LDLRAD4: variants seen among roughly 807,000 people sequenced by gnomAD.
LDLRAD4 encodes the protein low-density lipoprotein receptor class A domain-containing protein 4.
LDLRAD4 carries 5 observed loss-of-function variants against 17.0 expected under a neutral mutation model. The observed-to-expected ratio is 0.29, with a 90% CI of 0.15 to 0.62. LDLRAD4 has a LOEUF of 0.62. Ranked by LOEUF, LDLRAD4 falls within the 20% of genes least tolerant of loss-of-function variation. LDLRAD4 has a pLI of 0.84. For missense variants in LDLRAD4, 340 were observed against 424.7 expected (o/e 0.80, Z 1.75); for synonymous variants, 168 against 171.8 (o/e 0.98, Z 0.17).
rs190219569 is a variant in LDLRAD4 at position 13,434,001 on chromosome 18, C to G, written c.41-4243C>G. On this transcript the variant is annotated intron_variant, in intron 2 of 5. Transcript: ENST00000359446. ...ATTTGTTCTCCAGCTTCGGGTAAGT[C>G]AGGCATTATCCCTGGCCTGCTTCCT... Among the ~76,000 whole-genome samples, 335 of 152,274 alleles carry G rather than the reference C, an allele frequency of 2.2e-3. 1 individual carries two copies. The highest frequency in any genetic ancestry group is 3.8e-3 in the Non-Finnish European group (257 of 68,038).
intron 1 of LDLRAD4, among the ~76,000 whole-genome samples, chr18:13,337,483 G>A (rs890446598): frequency 2.6e-5 from 4 of 152,056 alleles, no homozygotes; most frequent in Non-Finnish European, 4.4e-5. Context: ...GTTTGATATC[G>A]AGAGGAAAGG....
rs1325096528 is a variant in LDLRAD4 at position 13,549,068 on chromosome 18, C to A, written c.182-72049C>A. Among the ~76,000 whole-genome samples, 5 of 152,262 alleles carry A rather than the reference C, an allele frequency of 3.3e-5. No individual in the cohort carries two copies. The East Asian group carries it at 7.7e-4, about 23-fold the overall frequency. On this transcript the variant is annotated intron_variant, in intron 3 of 5. Transcript: ENST00000359446. ...ACAGGGAGTTGCATTTCGCTTTTGT[C>A]ACAAATGGATGCTGGTGTGTGCCTC...
At chr18:13,474,408 G>T (rs750502994) in intron 3 of LDLRAD4, among the ~76,000 whole-genome samples, 1 of 152,202 alleles carries the variant, frequency 6.6e-6, no homozygotes, top group Non-Finnish European at 1.5e-5. Flanking sequence ...TCAGGAGTTA[G>T]ACACGTGTCA....
At chr18:13,238,046 A>T (rs527962470) in intron 1 of LDLRAD4, among the ~76,000 whole-genome samples, 1 of 152,258 alleles carries the variant, frequency 6.6e-6, no homozygotes, top group South Asian at 2.1e-4. Flanking sequence ...CAGTGGAGTG[A>T]GGCTGTTCCT....
At chr18:13,395,064 A>G (rs1191972181) in intron 2 of LDLRAD4, among the ~76,000 whole-genome samples, 1 of 152,156 alleles carries the variant, frequency 6.6e-6, no homozygotes, top group African/African-American at 2.4e-5. Flanking sequence ...CAGGAGGAGC[A>G]GCCTGCCCCG....
chr18:13,269,521 T>A (rs114485273), intron 1 of LDLRAD4, among the ~76,000 whole-genome samples: 2,606 of 152,308 alleles, frequency 0.017, 84 homozygotes, highest in African/African-American at 0.06. Flanking sequence ...TGGGAATATT[T>A]GGAGCATCTG....
intron 1 of LDLRAD4, among the ~76,000 whole-genome samples, chr18:13,323,743 G>C (rs1158262100): frequency 6.6e-6 from 1 of 152,150 alleles, no homozygotes; most frequent in Non-Finnish European, 1.5e-5. Context: ...GAAATGTTTG[G>C]TTAATCTATT....
chr18:13,306,431 G>A (rs1290786517), intron 1 of LDLRAD4, among the ~76,000 whole-genome samples: 2 of 152,232 alleles, frequency 1.3e-5, no homozygotes, highest in African/African-American at 4.8e-5. Context: ...ATACTGGACA[G>A]TGCCCCTGGC....
chr18:13,443,550 A>G (rs2091173275), intron 3 of LDLRAD4, among the ~76,000 whole-genome samples: 1 of 152,192 alleles, frequency 6.6e-6, no homozygotes, highest in Non-Finnish European at 1.5e-5. Context: ...TGTTATAAAC[A>G]TGTGTTTCGG....
intron 2 of LDLRAD4, among the ~76,000 whole-genome samples, chr18:13,427,815 A>G (rs758752685): frequency 5.9e-5 from 9 of 152,198 alleles, no homozygotes; most frequent in Non-Finnish European, 7.3e-5. Flanking sequence ...TGCTAATAAT[A>G]TATTATTTCC....
intron 3 of LDLRAD4, among the ~76,000 whole-genome samples, chr18:13,591,368 G>A (rs1374068047): frequency 2.6e-5 from 4 of 151,974 alleles, no homozygotes; most frequent in Non-Finnish European, 5.9e-5. Flanking sequence ...CTTTCTTCCT[G>A]AAGTCAGCTG....
At chr18:13,401,400 C>T (rs1165125967) in intron 2 of LDLRAD4, among the ~76,000 whole-genome samples, 1 of 150,394 alleles carries the variant, frequency 6.6e-6, no homozygotes, top group East Asian at 1.9e-4. Context: ...TCCCTTTCTC[C>T]AACACTGAGT....
rs147645753 is a variant in LDLRAD4 at position 13,411,317 on chromosome 18, T to C, written c.40+23555T>C. On this transcript the variant is annotated intron_variant, in intron 2 of 5. Coordinates refer to ENST00000359446, the Ensembl canonical transcript of LDLRAD4. ...GTCCTAAGAGCAAAATCATCTTTTGTTAGTATGCTTATCTCATAGTTTTGC... is the reference window on the plus strand; with the variant it reads ...GTCCTAAGAGCAAAATCATCTTTTGCTAGTATGCTTATCTCATAGTTTTGC... Among the ~76,000 whole-genome samples the C allele has an allele frequency of 6.4e-4, 95 of 147,538 alleles. 1 individual carries two copies. Among genetic ancestry groups the C allele is most frequent in the African/African-American group, 2.4e-3 (95 of 39,818 alleles).
At chr18:13,325,181 A>G (rs1447199715) in intron 1 of LDLRAD4, among the ~76,000 whole-genome samples, 1 of 152,188 alleles carries the variant, frequency 6.6e-6, no homozygotes, top group East Asian at 1.9e-4. Context: ...ATAGGAATAA[A>G]AGGAAAGTCA....
chr18:13,366,927 G>C lies in LDLRAD4; in HGVS notation c.-382-20414G>C, dbSNP rs577849954. Among the ~76,000 whole-genome samples, 3 of 152,278 alleles carry C rather than the reference G, an allele frequency of 2.0e-5. No individual in the cohort carries two copies. The East Asian group carries it at 5.8e-4, about 29-fold the overall frequency. On this transcript the variant is annotated intron_variant, in intron 1 of 5. Coordinates refer to ENST00000359446, the Ensembl canonical transcript of LDLRAD4. Reference sequence around the variant, plus strand: ...TGTCTTCCCATATTTCTTGCTCGCTGGTCCTCATTCTGATCCTTGTGGTCA... The same window carrying C: ...TGTCTTCCCATATTTCTTGCTCGCTCGTCCTCATTCTGATCCTTGTGGTCA...
intron 1 of LDLRAD4, among the ~76,000 whole-genome samples, chr18:13,292,792 G>T (rs1357960229): frequency 6.6e-6 from 1 of 152,222 alleles, no homozygotes; most frequent in East Asian, 1.9e-4. Context: ...CTTTGTGGGA[G>T]ATCAACACTC....
intron 3 of LDLRAD4, among the ~76,000 whole-genome samples, chr18:13,596,928 A>G (rs531837797): frequency 6.6e-6 from 1 of 152,326 alleles, no homozygotes; most frequent in African/African-American, 2.4e-5. Context: ...GTTTTAAACA[A>G]TTGCCTTTTA....
chr18:13,244,350 C>T (rs2042852197), intron 1 of LDLRAD4, among the ~76,000 whole-genome samples: 1 of 151,762 alleles, frequency 6.6e-6, no homozygotes, highest in African/African-American at 2.4e-5. Context: ...CACCTACCCA[C>T]CCATCCATTC....
chr18:13,572,286 G>A (rs1045924087), intron 3 of LDLRAD4, among the ~76,000 whole-genome samples: 2 of 152,188 alleles, frequency 1.3e-5, no homozygotes, highest in African/African-American at 4.8e-5. Flanking sequence ...AAAGAAACAG[G>A]CCTGCTGCTG....
Sources: allele counts gnomAD v4.1 joint callset (sites outside exome capture counted in the v4.1 genomes callset), GRCh38; gene constraint gnomAD v4.1.1; transcripts MANE v1.5; gene names NCBI Gene and HGNC (gene_info 2026-07-23, HGNC 2026-07-21).